DCAF8L2: variants seen among roughly 807,000 people sequenced by gnomAD.
DCAF8L2 encodes DDB1 and CUL4 associated factor 8 like 2.
For synonymous variants in DCAF8L2, 200 were observed against 190.9 expected (o/e 1.05, Z -0.39); for missense variants, 430 against 490.7 (o/e 0.88, Z 1.17).
At chrX:27,699,566 T>G (rs1931052100) in intron 3 of DCAF8L2, among the ~76,000 whole-genome samples, 1 of 111,560 alleles carries the variant, frequency 9.0e-6, no homozygotes, top group Non-Finnish European at 1.9e-5. Context: ...AACAACTGAT[T>G]GTGAGGTTAT....
chrX:27,705,800 T>A (rs1931323359), intron 3 of DCAF8L2, among the ~76,000 whole-genome samples: 1 of 112,190 alleles, frequency 8.9e-6, no homozygotes, highest in Admixed American at 9.5e-5. Flanking sequence ...AATTAGATTC[T>A]ATTTGTCAAT....
intron 1 of DCAF8L2, among the ~76,000 whole-genome samples, chrX:27,616,387 C>G (rs917655917): frequency 9.1e-6 from 1 of 110,329 alleles, no homozygotes; most frequent in Non-Finnish European, 1.9e-5. Context: ...AATCAATTAC[C>G]TGAAAATTGG....
the DCAF8L2 span, among the ~76,000 whole-genome samples, chrX:27,474,752 T>C: frequency 8.9e-6 from 1 of 111,765 alleles, no homozygotes; most frequent in Admixed American, 9.5e-5. Context: ...GGCTTTTTGT[T>C]CTTATTGGCT....
intron 3 of DCAF8L2, among the ~76,000 whole-genome samples, chrX:27,712,036 A>G (rs1480902761): frequency 2.7e-5 from 3 of 111,437 alleles, no homozygotes; most frequent in Admixed American, 9.6e-5. Flanking sequence ...TAGGATCTGC[A>G]GTAATATTCA....
intron 1 of DCAF8L2, among the ~76,000 whole-genome samples, chrX:27,617,260 T>G: frequency 9.0e-6 from 1 of 111,106 alleles, no homozygotes; most frequent in East Asian, 2.9e-4. Context: ...TATTTAGAGG[T>G]TTGGGAGGAA....
intron 2 of DCAF8L2, among the ~76,000 whole-genome samples, chrX:27,662,664 T>C (rs1171253602): frequency 8.9e-6 from 1 of 112,027 alleles, no homozygotes; most frequent in Non-Finnish European, 1.9e-5. Context: ...GTCTAATTGT[T>C]ACCTCTAGAA....
chrX:27,497,578 TTCTTCTTTCCAATGAAG>T, the DCAF8L2 span, among the ~76,000 whole-genome samples: 158 of 94,958 alleles, frequency 1.7e-3, 2 homozygotes, highest in African/African-American at 5.5e-3. Flanking sequence ...CTTTCTTTCT[TTCTTCTTTCCAATGAAG>T]TCTCACTCTG....
At chrX:27,635,454 G>A (rs1368002702) in intron 2 of DCAF8L2, among the ~76,000 whole-genome samples, 4 of 111,526 alleles carry the variant, frequency 3.6e-5, no homozygotes, top group African/African-American at 1.3e-4. Context: ...AGGAGCAGTA[G>A]CATTCACTGT....
At chrX:27,516,454 TCACACA>T in the DCAF8L2 span, among the ~76,000 whole-genome samples, 1,663 of 97,398 alleles carry the variant, frequency 0.017, 14 homozygotes, top group Middle Eastern at 0.032. Context: ...CATCTCTCTC[TCACACA>T]CACACACACA....
chrX:27,677,587 G>C (rs1930184236), intron 2 of DCAF8L2, among the ~76,000 whole-genome samples: 1 of 111,221 alleles, frequency 9.0e-6, no homozygotes, highest in South Asian at 3.8e-4. Context: ...TAGTATGATG[G>C]GAGATCAGAA....
At chrX:27,667,247 T>TA (rs1252336742) in intron 2 of DCAF8L2, among the ~76,000 whole-genome samples, 1 of 111,749 alleles carries the variant, frequency 8.9e-6, no homozygotes, top group Non-Finnish European at 1.9e-5. Context: ...TGTGAGTGAC[T>TA]GGTTGGTTCT....
intron 3 of DCAF8L2, among the ~76,000 whole-genome samples, chrX:27,697,754 CAG>C (rs1018626346): frequency 1.8e-5 from 2 of 110,348 alleles, no homozygotes; most frequent in Non-Finnish European, 3.8e-5. Flanking sequence ...TCTAATTAGT[CAG>C]TCAATGAATA....
At chrX:27,495,652 A>G in the DCAF8L2 span, among the ~76,000 whole-genome samples, 4 of 112,057 alleles carry the variant, frequency 3.6e-5, no homozygotes, top group Non-Finnish European at 7.5e-5. Context: ...TATCATGAAT[A>G]ATGCTGCTGT....
the DCAF8L2 span, chrX:27,518,554 A>G: frequency 4.3e-4 from 133 of 312,597 alleles, no homozygotes; most frequent in South Asian, 5.6e-3. Context: ...CCTGACCAAC[A>G]TGGTGAAACC....
chrX:27,546,680 C>T, the DCAF8L2 span, among the ~76,000 whole-genome samples: 1 of 112,430 alleles, frequency 8.9e-6, no homozygotes, highest in Non-Finnish European at 1.9e-5. Context: ...GTGGAAGCTG[C>T]CAAGGCTTGG....
intron 3 of DCAF8L2, among the ~76,000 whole-genome samples, chrX:27,698,905 G>A (rs1414907783): frequency 1.8e-5 from 2 of 111,526 alleles, no homozygotes; most frequent in East Asian, 2.8e-4. Flanking sequence ...TATTTTAAAT[G>A]TCCCTTTTCT....
chrX:27,687,501 TATA>T (rs1288423216), intron 3 of DCAF8L2, among the ~76,000 whole-genome samples: 1 of 111,717 alleles, frequency 9.0e-6, no homozygotes, highest in Non-Finnish European at 1.9e-5. Flanking sequence ...ATATCAGCAC[TATA>T]ATAATAAAAT....
chrX:27,605,211 G>A (rs1057257808), intron 1 of DCAF8L2, among the ~76,000 whole-genome samples: 1 of 110,999 alleles, frequency 9.0e-6, no homozygotes, highest in African/African-American at 3.3e-5. Context: ...CCAAGATTTC[G>A]TTAGTCACTC....
intron 1 of DCAF8L2, among the ~76,000 whole-genome samples, chrX:27,606,344 TATATATATCTAGGA>T (rs1181647285): frequency 3.0e-5 from 2 of 67,294 alleles, no homozygotes; most frequent in Non-Finnish European, 2.7e-5. Flanking sequence ...ATAGGAATTA[TATATATATCTAGGA>T]ATATATATAT....
Sources: gnomAD v4.1 joint callset for allele counts (sites outside exome capture counted in the v4.1 genomes callset) on GRCh38, gnomAD v4.1.1 for gene constraint, MANE v1.5 for transcripts, NCBI Gene and HGNC (gene_info 2026-07-23, HGNC 2026-07-21) for gene names.